The following DENND4C variants were observed in gnomAD, a reference collection of about 807,000 sequenced individuals.
DENND4C encodes DENN domain containing 4C.
In DENND4C, 108 loss-of-function variants were observed where a neutral mutation model predicts 203.0. The observed-to-expected ratio is 0.53, with a 90% CI of 0.46 to 0.62. The LOEUF is 0.62. DENND4C is among the 20% of genes least tolerant of loss of function. DENND4C has a pLI of 0.00. For synonymous variants in DENND4C, 871 were observed against 792.4 expected (o/e 1.10, Z -1.67); for missense variants, 2,481 against 2,301.2 (o/e 1.08, Z -1.60).
chr9:19,236,717 T>G (rs1172270366), intron 1 of DENND4C, among the ~76,000 whole-genome samples: 1 of 152,172 alleles, frequency 6.6e-6, no homozygotes, highest in Non-Finnish European at 1.5e-5. Flanking sequence ...TGAGAACTGT[T>G]ACATAATACA....
At position 19,349,852 on chromosome 9, in the gene DENND4C, A is replaced by C. The variant is rs192948860; in HGVS notation, c.4318-850A>C. On this transcript the variant is annotated intron_variant, in intron 23 of 32. Transcript: ENST00000434457. ...AATAATTACATAAGAAGTACAGGTGAAAAACAATATTCTAATTTGTAAAGA... is the reference window on the plus strand; with the variant it reads ...AATAATTACATAAGAAGTACAGGTGCAAAACAATATTCTAATTTGTAAAGA... Among the ~76,000 whole-genome samples the C allele has an allele frequency of 5.8e-4, 88 of 152,350 alleles. 2 individuals carry two copies. Among genetic ancestry groups the C allele is most frequent in the Middle Eastern group, 3.4e-3 (1 of 294 alleles).
chr9:19,278,364 C>G (rs952205207), intron 2 of DENND4C, among the ~76,000 whole-genome samples: 1 of 152,048 alleles, frequency 6.6e-6, no homozygotes, highest in African/African-American at 2.4e-5. Context: ...GTCTTGAACT[C>G]CTGACCTTAG....
chr9:19,238,113 A>C (rs1588708702), intron 1 of DENND4C, among the ~76,000 whole-genome samples: 4 of 137,482 alleles, frequency 2.9e-5, no homozygotes, highest in African/African-American at 5.5e-5. Flanking sequence ...ATAGAGTTTC[A>C]CTCGTGTTGC....
At chr9:19,290,649 A>G (rs994646465) in intron 4 of DENND4C, 55 bp from the exon 5 acceptor site, 1 of 1,215,880 alleles carries the variant, frequency 8.2e-7, no homozygotes, top group Non-Finnish European at 1.1e-6. Context: ...TATCATATGC[A>G]ATTTATGGAA....
chr9:19,340,869 CT>C, intron 20 of DENND4C, 122 bp from the exon 21 acceptor site: 1 of 804,960 alleles, frequency 1.2e-6, no homozygotes, highest in Non-Finnish European at 1.8e-6. Context: ...TCCTTGTGTG[CT>C]TTCTTGTCTT....
At chr9:19,351,805 T>TAAA (rs1343290615) in intron 24 of DENND4C, among the ~76,000 whole-genome samples, 3,376 of 127,102 alleles carry the variant, frequency 0.027, 129 homozygotes, top group African/African-American at 0.094. Context: ...AGACTCCATC[T>TAAA]AAAAAAAAAA....
intron 30 of DENND4C, among the ~76,000 whole-genome samples, chr9:19,362,698 A>G (rs1218542638): frequency 6.6e-6 from 1 of 152,204 alleles, no homozygotes; most frequent in East Asian, 1.9e-4. Context: ...AGTAAATTCT[A>G]TATAGCAGAA....
chr9:19,299,155 A>G (rs998412495), intron 7 of DENND4C, 74 bp from the exon 8 acceptor site: 37 of 1,109,980 alleles, frequency 3.3e-5, no homozygotes, highest in Middle Eastern at 2.5e-4. Context: ...ATAGATTTCA[A>G]AAGTAGTTTT....
chr9:19,349,346 C>T (rs2772408), intron 23 of DENND4C, among the ~76,000 whole-genome samples: 25,663 of 151,732 alleles, frequency 0.17, 2,607 homozygotes, highest in Middle Eastern at 0.36. Flanking sequence ...AGGCAGAGGT[C>T]GCAGTGAGCC....
chr9:19,239,470 CTT>C (rs1259424194), intron 1 of DENND4C, among the ~76,000 whole-genome samples: 2 of 144,734 alleles, frequency 1.4e-5, no homozygotes, highest in Non-Finnish European at 3.1e-5. Context: ...AATTTATATT[CTT>C]TTTTTTTTTT....
chr9:19,338,699 C>A (rs1419704399), intron 20 of DENND4C, among the ~76,000 whole-genome samples: 3 of 152,138 alleles, frequency 2.0e-5, no homozygotes, highest in African/African-American at 7.2e-5. Flanking sequence ...TTTTAATTCA[C>A]CCAGGTCCCA....
At chr9:19,296,489 G>C (rs753089813) in intron 6 of DENND4C, among the ~76,000 whole-genome samples, 1 of 150,926 alleles carries the variant, frequency 6.6e-6, no homozygotes, top group Non-Finnish European at 1.5e-5. Context: ...TCAGCCTCCC[G>C]AGTAGCTGGG....
intron 1 of DENND4C, among the ~76,000 whole-genome samples, chr9:19,232,809 A>G (rs1175765332): frequency 6.6e-6 from 1 of 152,218 alleles, no homozygotes; most frequent in Admixed American, 6.5e-5. Context: ...AGTATCTGCA[A>G]TAAAAGTGGA....
intron 1 of DENND4C, among the ~76,000 whole-genome samples, chr9:19,269,992 C>A (rs1045673269): frequency 2.0e-5 from 3 of 152,184 alleles, no homozygotes; most frequent in Admixed American, 1.3e-4. Flanking sequence ...ACCTTAAGCC[C>A]AGTAATGCTG....
intron 1 of DENND4C, among the ~76,000 whole-genome samples, chr9:19,246,040 T>A (rs1178347274): frequency 1.3e-5 from 2 of 152,212 alleles, no homozygotes; most frequent in African/African-American, 4.8e-5. Flanking sequence ...TACGCCATTT[T>A]TTCACTGTCC....
rs1188374339 is a variant in DENND4C, at chr9:19,360,351, G to C, written c.5268G>C (p.Gln1756His). 7 of 1,613,930 alleles carry C rather than the reference G, an allele frequency of 4.3e-6. No homozygotes were observed. Among genetic ancestry groups the C allele is most frequent in the Non-Finnish European group, 8.5e-7 (1 of 1,180,002 alleles). Reference sequence around the variant, plus strand: ...CTTTGCTAGAAAATGAAGGTGATCAGGTGATTCATACATCTTCTTTCATCA... The same window carrying C: ...CTTTGCTAGAAAATGAAGGTGATCACGTGATTCATACATCTTCTTTCATCA... ...LESLLENEGD[Q>H]VIHTSSFINQ... Residue 1756 changes from glutamine (Q) to histidine (H), a missense_variant, in exon 29 of 33, where the codon CAG becomes CAC. Gln to His is a conservative substitution (Grantham distance 24). This residue lies in a region of DENND4C where 2,289 missense variants were observed against 2,113.3 expected (regional missense o/e 1.08). Transcript: ENST00000434457.
Position 19,231,579 on chromosome 9 carries a change from CT to C in DENND4C, c.-18+750del, listed in dbSNP as rs1820573876. ...TCCTCCCCTTTTCTGCTTGATAGAC[CT>C]TTTCCCTCTCGAAGACCGTCTTTTA... On this transcript the variant is annotated intron_variant, in intron 1 of 32. Transcript: ENST00000434457. 2.0e-5 allele frequency among the ~76,000 whole-genome samples: 3 copies of C among 150,902 alleles called. 1 individual carries two copies. The highest frequency in any genetic ancestry group is 4.4e-5 in the Non-Finnish European group (3 of 67,800).
intron 12 of DENND4C, among the ~76,000 whole-genome samples, chr9:19,317,071 G>A (rs555638475): frequency 6.6e-6 from 1 of 151,936 alleles, no homozygotes; most frequent in African/African-American, 2.4e-5. Flanking sequence ...AAAAGTCAAA[G>A]ATGTTACCTA....
At position 19,357,138 on chromosome 9, in the gene DENND4C, T is replaced by C; in HGVS notation, c.4948T>C (p.Ser1650Pro). 1 of 1,613,804 alleles carries C rather than the reference T, an allele frequency of 6.2e-7. No homozygotes were observed. Among genetic ancestry groups the C allele is most frequent in the Non-Finnish European group, 8.5e-7 (1 of 1,179,812 alleles). ...CCAGATCATAACTGAAGAAACAGGC[T>C]CTGCAGTTGAACCAAGGTATCAAAG... ...HNQIITEETG[S>P]AVEPSDEIKR... is the part of the protein sequence containing the mutation. Residue 1650 changes from serine to proline, a missense_variant, in exon 27 of 33, where the codon TCT becomes CCT. By Grantham distance (74) the Ser-to-Pro change is moderately conservative (BLOSUM62 -1). This residue lies in a region of DENND4C where 2,289 missense variants were observed against 2,113.3 expected (regional missense o/e 1.08). Transcript: ENST00000434457.
Sources: allele counts gnomAD v4.1 joint callset (sites outside exome capture counted in the v4.1 genomes callset), GRCh38; gene constraint gnomAD v4.1.1; regional missense constraint gnomAD v4.1.1; transcripts MANE v1.5; gene names NCBI Gene and HGNC (gene_info 2026-07-23, HGNC 2026-07-21).